The following CHRM3 variants were observed in gnomAD, a reference collection of about 807,000 sequenced individuals.
CHRM3 encodes the protein cholinergic receptor muscarinic 3.
Under a neutral mutation model 41.8 loss-of-function variants are expected in CHRM3, and 11 were observed. The ratio of observed to expected loss-of-function variants is 0.26; its 90% CI spans 0.17 to 0.44. CHRM3 has a LOEUF of 0.44. Ranked by LOEUF, CHRM3 falls within the 20% of genes least tolerant of loss-of-function variation. The probability of loss-of-function intolerance (pLI) is 1.00; values close to 1 mark genes in which losing one functional copy is unlikely to be tolerated. For missense variants in CHRM3, 571 were observed against 745.4 expected, an observed-to-expected ratio of 0.77 and a Z score of 2.72; for synonymous variants, 297 against 301.4, an observed-to-expected ratio of 0.99 and a Z score of 0.15.
intron 6 of CHRM3, among the ~76,000 whole-genome samples, chr1:239,857,871 C>A (rs1018725670): frequency 3.9e-5 from 6 of 152,126 alleles, no homozygotes; most frequent in African/African-American, 1.4e-4. Flanking sequence ...ACTATTGCCA[C>A]CTGTCTGAAA....
At chr1:239,819,053 G>A (rs1485473633) in intron 5 of CHRM3, among the ~76,000 whole-genome samples, 5 of 152,158 alleles carry the variant, frequency 3.3e-5, no homozygotes, top group Admixed American at 3.3e-4. Flanking sequence ...TAAAACAATG[G>A]CTTCCCATAA....
At chr1:239,438,144 C>T (rs1029208132) in intron 1 of CHRM3, among the ~76,000 whole-genome samples, 1 of 152,216 alleles carries the variant, frequency 6.6e-6, no homozygotes, top group African/African-American at 2.4e-5. Context: ...CTAATATTCT[C>T]ACCTAAATTA....
chr1:239,609,958 C>T (rs980124663), intron 3 of CHRM3, among the ~76,000 whole-genome samples: 6 of 151,674 alleles, frequency 4.0e-5, no homozygotes, highest in South Asian at 2.1e-4. Flanking sequence ...TTTGGGAGGC[C>T]GAGGTGGGTG....
intron 3 of CHRM3, among the ~76,000 whole-genome samples, chr1:239,622,456 G>T (rs1307004075): frequency 6.6e-6 from 1 of 152,156 alleles, no homozygotes; most frequent in African/African-American, 2.4e-5. Flanking sequence ...ATACATTCAT[G>T]ATTCTTGAGA....
At chr1:239,669,671 A>C (rs1009839984) in intron 4 of CHRM3, among the ~76,000 whole-genome samples, 1 of 152,228 alleles carries the variant, frequency 6.6e-6, no homozygotes, top group African/African-American at 2.4e-5. Context: ...GAAAGACTTT[A>C]TACATGACCA....
chr1:239,830,358 C>T (rs1420903079), intron 6 of CHRM3, among the ~76,000 whole-genome samples: 1 of 152,178 alleles, frequency 6.6e-6, no homozygotes, highest in Admixed American at 6.5e-5. Flanking sequence ...TGAAATTTAA[C>T]ATGATGCCTT....
At chr1:239,838,864 T>C (rs1374655080) in intron 6 of CHRM3, among the ~76,000 whole-genome samples, 1 of 152,242 alleles carries the variant, frequency 6.6e-6, no homozygotes, top group Non-Finnish European at 1.5e-5. Context: ...AAATTGATAC[T>C]TCTGAAAAAT....
chr1:239,527,631 C>A (rs1294597362), intron 2 of CHRM3, among the ~76,000 whole-genome samples: 2 of 148,920 alleles, frequency 1.3e-5, no homozygotes, highest in African/African-American at 4.9e-5. Flanking sequence ...GCTCTGAGCC[C>A]CCACATCAGT....
chr1:239,659,576 G>T (rs906101422), intron 4 of CHRM3, among the ~76,000 whole-genome samples: 1 of 152,200 alleles, frequency 6.6e-6, no homozygotes, highest in East Asian at 1.9e-4. Context: ...CTTGAAATGC[G>T]ACTAGTGGCA....
At chr1:239,551,938 T>C (rs143565133) in intron 3 of CHRM3, among the ~76,000 whole-genome samples, 27 of 152,032 alleles carry the variant, frequency 1.8e-4, no homozygotes, top group Admixed American at 1.2e-3. Context: ...CATCCATCAG[T>C]CAAAAAGGGG....
At chr1:239,512,882 G>A (rs1011095577) in intron 2 of CHRM3, among the ~76,000 whole-genome samples, 1 of 151,990 alleles carries the variant, frequency 6.6e-6, no homozygotes, top group Non-Finnish European at 1.5e-5. Flanking sequence ...GGTTATCTGT[G>A]GGTTTTGGGC....
intron 5 of CHRM3, among the ~76,000 whole-genome samples, chr1:239,720,776 GTCT>G (rs1254642039): frequency 2.0e-5 from 3 of 151,870 alleles, no homozygotes; most frequent in Non-Finnish European, 4.4e-5. Flanking sequence ...GTATTTTTAA[GTCT>G]TCTTACTTAT....
chr1:239,607,943 A>G (rs1443877827), intron 3 of CHRM3, among the ~76,000 whole-genome samples: 9 of 152,164 alleles, frequency 5.9e-5, no homozygotes, highest in Non-Finnish European at 1.3e-4. Context: ...TGCATTTAGA[A>G]TTAGAGAAAG....
At chr1:239,726,852 G>A (rs1055989354) in intron 5 of CHRM3, among the ~76,000 whole-genome samples, 2 of 151,902 alleles carry the variant, frequency 1.3e-5, no homozygotes, top group Non-Finnish European at 2.9e-5. Context: ...GCATCTAGCA[G>A]TACCTGATAG....
At chr1:239,470,962 A>G (rs1241154500) in intron 1 of CHRM3, among the ~76,000 whole-genome samples, 1 of 152,124 alleles carries the variant, frequency 6.6e-6, no homozygotes, top group African/African-American at 2.4e-5. Context: ...TTTTCATTAC[A>G]TTCACTTCCT....
At chr1:239,651,767 C>T (rs1020862059) in intron 4 of CHRM3, among the ~76,000 whole-genome samples, 3 of 152,238 alleles carry the variant, frequency 2.0e-5, no homozygotes, top group South Asian at 2.1e-4. Flanking sequence ...ACAAGTTTTC[C>T]TCTGCTTAGC....
At chr1:239,791,398 C>G (rs1017022538) in intron 5 of CHRM3, among the ~76,000 whole-genome samples, 3 of 152,182 alleles carry the variant, frequency 2.0e-5, no homozygotes, top group Non-Finnish European at 4.4e-5. Context: ...AACCACCATG[C>G]CCAGCCAGTA....
intron 6 of CHRM3, among the ~76,000 whole-genome samples, chr1:239,891,848 T>A (rs1361011547): frequency 6.6e-6 from 1 of 152,164 alleles, no homozygotes; most frequent in Non-Finnish European, 1.5e-5. Flanking sequence ...TTGGTTGATA[T>A]CAGAGTGGAG....
At chr1:239,750,285 A>C (rs1454951202) in intron 5 of CHRM3, among the ~76,000 whole-genome samples, 1 of 152,210 alleles carries the variant, frequency 6.6e-6, no homozygotes, top group Non-Finnish European at 1.5e-5. Context: ...CTTGGAAGAA[A>C]GTACATGAAA....
Sources: gnomAD v4.1 joint callset for allele counts (sites outside exome capture counted in the v4.1 genomes callset) on GRCh38, gnomAD v4.1.1 for gene constraint, MANE v1.5 for transcripts, NCBI Gene and HGNC (gene_info 2026-07-23, HGNC 2026-07-21) for gene names.